The following SERPINA3 variants were observed in gnomAD, a reference collection of about 807,000 sequenced individuals.
SERPINA3 encodes serpin family A member 3.
SERPINA3 carries 32 observed loss-of-function variants against 26.8 expected under a neutral mutation model. The ratio of observed to expected loss-of-function variants is 1.20; its 90% CI spans 0.90 to 1.61. The LOEUF is 1.61. Among genes scored for constraint, SERPINA3 ranks in the 40% most tolerant of loss-of-function variants. The probability of loss-of-function intolerance (pLI) is 0.00; values close to 1 mark genes in which losing one functional copy is unlikely to be tolerated. For synonymous variants in SERPINA3, 252 were observed against 206.4 expected, an observed-to-expected ratio of 1.22 and a Z score of -1.89; for missense variants, 632 against 517.9, an observed-to-expected ratio of 1.22 and a Z score of -2.14.
chr14:94,620,143 G>C (rs973776523), intron 3 of SERPINA3, among the ~76,000 whole-genome samples: 4 of 152,206 alleles, frequency 2.6e-5, no homozygotes, highest in Admixed American at 6.5e-5. Flanking sequence ...ATTTTAGATA[G>C]AGTAGCCATT....
chr14:94,612,760 T>G (rs186964420), intron 1 of SERPINA3, among the ~76,000 whole-genome samples: 38 of 152,152 alleles, frequency 2.5e-4, no homozygotes, highest in African/African-American at 9.2e-4. Flanking sequence ...AGGGAAGAGG[T>G]GCTGTCCCCT....
chr14:94,615,419 G>T, intron 2 of SERPINA3: 1 of 476,174 alleles, frequency 2.1e-6, no homozygotes, highest in Admixed American at 2.3e-5. Context: ...AGGAGCTAGA[G>T]CTCCCTCCTT....
intron 4 of SERPINA3, 180 bp downstream of exon 4, chr14:94,622,671 G>C: frequency 1.4e-6 from 1 of 693,952 alleles, no homozygotes. Context: ...AGCTCCTCCT[G>C]CCGTGTTAGG....
chr14:94,619,808 G>T lies in SERPINA3; in HGVS notation c.917+340G>T, dbSNP rs191003350. 6.7e-3 allele frequency: 2,685 copies of T among 399,328 alleles called. 14 individuals are homozygous for T. Among genetic ancestry groups the T allele is most frequent in the Non-Finnish European group, 0.01 (2,217 of 213,094 alleles). The allele number at this position is 399,328 out of a possible 1,614,324, so 24.7% of individuals were successfully genotyped here. A position where few individuals can be genotyped will look rare whatever the true frequency, so the allele number is the denominator to read the frequency against. ...CAGAAGGAATTGTGATCAGTTGAGG[G>T]CTGCAGTGAGATGGACTCTGAGAAT... On this transcript the variant is annotated intron_variant, in intron 3 of 4. Coordinates refer to ENST00000393078, the MANE Select transcript of SERPINA3 (RefSeq NM_001085.5).
At chr14:94,622,123 T>C (rs1009643420) in intron 3 of SERPINA3, among the ~76,000 whole-genome samples, 2 of 152,204 alleles carry the variant, frequency 1.3e-5, no homozygotes, top group Non-Finnish European at 2.9e-5. Context: ...CCAGGCTTGG[T>C]GTGCTGCCTG....
chr14:94,614,176 T>C, intron 1 of SERPINA3: 1 of 512,600 alleles, frequency 2.0e-6, no homozygotes, highest in Non-Finnish European at 3.5e-6. Flanking sequence ...TGTATGATCT[T>C]GGGCAAGCCC....
In SERPINA3 at chr14:94,614,824, A is replaced by G; in HGVS notation, c.383A>G (p.Gln128Arg). The change falls in exon 2 of 5, where the codon CAG (glutamine) becomes CGG (arginine). Residue 128 changes from glutamine to arginine, a missense_variant. Coordinates refer to ENST00000393078, the MANE Select transcript of SERPINA3 (RefSeq NM_001085.5). The part of the protein sequence containing the change: ...SFQHLLRTLN[Q>R]SSDELQLSMG... ...CAGCACCTCCTGCGCACCCTCAATC[A>G]GTCCAGCGATGAGCTGCAGCTGAGT... The G allele has an allele frequency of 1.9e-6, 3 of 1,614,156 alleles. No homozygotes were observed. The highest frequency in any genetic ancestry group is 2.5e-6 in the Non-Finnish European group (3 of 1,180,034).
intron 2 of SERPINA3, chr14:94,615,527 G>A (rs1045764027): frequency 2.2e-6 from 1 of 448,842 alleles, no homozygotes; most frequent in South Asian, 1.6e-5. Flanking sequence ...CCAGCCAGGG[G>A]CCTTGGTGTC....
intron 2 of SERPINA3, among the ~76,000 whole-genome samples, chr14:94,616,976 C>T (rs1029031453): frequency 6.6e-6 from 1 of 152,022 alleles, no homozygotes; most frequent in Non-Finnish European, 1.5e-5. Flanking sequence ...TGATTTCATC[C>T]ACCAAACCTA....
chr14:94,622,189 A>G lies in SERPINA3; in HGVS notation c.918-152A>G, dbSNP rs143107719. ...TAATTAATGAATAAGAAGAGTAAAG[A>G]CAGGGGTTAAGAAATTGAGGAACAG... is the stretch of plus-strand genomic sequence containing the variant. On this transcript the variant is annotated intron_variant, in intron 3 of 4. Transcript: ENST00000393078. The G allele has an allele frequency of 2.3e-3, 1,698 of 736,120 alleles. 1 individual carries two copies. The highest frequency in any genetic ancestry group is 3.6e-3 in the Non-Finnish European group (1,502 of 415,924). 45.6% of individuals were successfully genotyped at this position (736,120 alleles called of 1,614,324 possible). A position where few individuals can be genotyped will look rare whatever the true frequency, so the allele number is the denominator to read the frequency against.
chr14:94,621,016 C>T (rs560429046), intron 3 of SERPINA3, among the ~76,000 whole-genome samples: 1 of 152,230 alleles, frequency 6.6e-6, no homozygotes, highest in Admixed American at 6.5e-5. Context: ...TTGTGAGAAT[C>T]CGGTGAGGTA....
Position 94,612,394 on chromosome 14 carries a change from A to T in SERPINA3, c.-62A>T. 7.3e-7 allele frequency: 1 copy of T among 1,365,346 alleles called. No homozygotes were observed. Among genetic ancestry groups the T allele is most frequent in the Non-Finnish European group, 9.8e-7 (1 of 1,021,282 alleles). The allele number at this position is 1,365,346 out of a possible 1,614,324, so 84.6% of individuals were successfully genotyped here. ...GCCTCAGCATTCATGAAAATCCACT[A>T]CTCCAGACAGACGGCTTTGGAATCC... On this transcript the variant is annotated 5_prime_UTR_variant, in exon 1 of 5. Coordinates refer to ENST00000393078, the MANE Select transcript of SERPINA3 (RefSeq NM_001085.5).
At chr14:94,616,056 G>A (rs150869295) in intron 2 of SERPINA3, among the ~76,000 whole-genome samples, 19 of 152,294 alleles carry the variant, frequency 1.2e-4, no homozygotes, top group Non-Finnish European at 1.9e-4. Context: ...AAATGAAGGC[G>A]TGGATCCAGA....
rs1885922672 is a variant in SERPINA3 at position 94,614,756 on chromosome 14, C to T, written c.315C>T (p.Phe105=). 1.2e-6 allele frequency: 2 copies of T among 1,614,072 alleles called. No individual in the cohort carries two copies. Among genetic ancestry groups the T allele is most frequent in the Non-Finnish European group, 1.7e-6 (2 of 1,180,038 alleles). ...TLTEILKGLK[F]NLTETSEAEI... ...CAGAGATTCTCAAAGGCCTCAAGTT[C>T]AACCTCACGGAGACTTCTGAGGCAG... Residue 105 remains phenylalanine, a synonymous_variant, in exon 2 of 5, where the codon TTC becomes TTT. Transcript: ENST00000393078.
rs764406074 is a variant in SERPINA3, at chr14:94,614,915, G to A, written c.474G>A (p.Lys158=). The A allele has an allele frequency of 6.2e-7, 1 of 1,614,022 alleles. No individual in the cohort carries two copies. The highest frequency in any genetic ancestry group is 8.5e-7 in the Non-Finnish European group (1 of 1,179,870). The change falls in exon 2 of 5, where the codon AAG becomes AAA. Residue 158 remains lysine, a synonymous_variant. Transcript: ENST00000393078. ...TGGACAGGTTCACGGAGGATGCCAA[G>A]AGGCTGTATGGCTCCGAGGCCTTTG... ...SLLDRFTEDA[K]RLYGSEAFAT...
At chr14:94,617,199 C>A (rs917160831) in intron 2 of SERPINA3, among the ~76,000 whole-genome samples, 2 of 152,166 alleles carry the variant, frequency 1.3e-5, no homozygotes, top group African/African-American at 2.4e-5. Flanking sequence ...AACGGGGACA[C>A]CTGTTCAACT....
chr14:94,618,894 T>C (rs1886092291), intron 2 of SERPINA3: 2 of 504,888 alleles, frequency 4.0e-6, no homozygotes, highest in East Asian at 7.2e-5. Flanking sequence ...CATGTTGTCA[T>C]GCCTCTTTCC....
At position 94,614,694 on chromosome 14, in the gene SERPINA3, G is replaced by A. The variant is rs1885919241; in HGVS notation, c.253G>A (p.Ala85Thr). 6.2e-7 allele frequency: 1 copy of A among 1,613,944 alleles called. No homozygotes were observed. The highest frequency in any genetic ancestry group is 1.7e-5 in the Admixed American group (1 of 59,996). ...FSPLSISTAL[A>T]FLSLGAHNTT... The stretch of plus-strand genomic sequence containing the variant: ...CCCACTGAGCATCTCCACCGCCTTG[G>A]CCTTCCTGTCTCTGGGGGCCCATAA... The change falls in exon 2 of 5, where the codon GCC becomes ACC. Residue 85 changes from alanine to threonine, a missense_variant. Physicochemically the swap from Ala to Thr is moderately conservative, Grantham distance 58 (BLOSUM62 0). Coordinates refer to ENST00000393078, the MANE Select transcript of SERPINA3 (RefSeq NM_001085.5).
Position 94,614,801 on chromosome 14 carries a change from G to A in SERPINA3, c.360G>A (p.Gln120=), listed in dbSNP as rs970271206. The A allele has an allele frequency of 8.7e-6, 14 of 1,614,144 alleles. No individual in the cohort carries two copies. The highest frequency in any genetic ancestry group is 1.7e-5 in the Admixed American group (1 of 60,016). ...TSEAEIHQSF[Q]HLLRTLNQSS... The stretch of plus-strand genomic sequence containing the variant: ...AGGCAGAAATTCACCAGAGCTTCCA[G>A]CACCTCCTGCGCACCCTCAATCAGT... The change falls in exon 2 of 5, where the codon CAG becomes CAA. Residue 120 remains glutamine, a synonymous_variant. Transcript: ENST00000393078.
Sources: gnomAD v4.1 joint callset for allele counts (sites outside exome capture counted in the v4.1 genomes callset) on GRCh38, gnomAD v4.1.1 for gene constraint, MANE v1.5 for transcripts, NCBI Gene and HGNC (gene_info 2026-07-23, HGNC 2026-07-21) for gene names.